The following COLGALT2 variants were observed in gnomAD, a reference collection of about 807,000 sequenced individuals.
COLGALT2 encodes collagen beta(1-O)galactosyltransferase 2, also known as procollagen galactosyltransferase 2.
COLGALT2 carries 49 observed loss-of-function variants against 73.4 expected under a neutral mutation model. The observed-to-expected ratio is 0.67, with a 90% CI of 0.53 to 0.85. COLGALT2 has a LOEUF of 0.85. Among genes scored for constraint, COLGALT2 ranks in the 40% least tolerant of loss-of-function variants. The probability of loss-of-function intolerance (pLI) is 0.00; values close to 1 mark genes in which losing one functional copy is unlikely to be tolerated. For synonymous variants in COLGALT2, 295 were observed against 307.6 expected, an observed-to-expected ratio of 0.96 and a Z score of 0.43; for missense variants, 722 against 790.2, an observed-to-expected ratio of 0.91 and a Z score of 1.03.
rs1670001735 is a variant in COLGALT2 at position 183,937,885 on chromosome 1, T to TG, written c.*875dup. The TG allele has an allele frequency of 1.2e-5, 12 of 985,252 alleles. No homozygotes were observed. The highest frequency in any genetic ancestry group is 1.4e-5 in the Non-Finnish European group (12 of 829,910). The allele number at this position is 985,252 out of a possible 1,614,324, so 61.0% of individuals were successfully genotyped here. On this transcript the variant is annotated 3_prime_UTR_variant, in exon 12 of 12. Transcript: ENST00000361927. ...TGCGGTGGGTTCCCAGGCTAAGGGG[T>TG]GGAGCGGAGAGCGTGAAGCTCTGTA... is the stretch of plus-strand genomic sequence containing the variant.
At position 184,037,455 on chromosome 1, in the gene COLGALT2, G is replaced by T; in HGVS notation, c.-98C>A. The T allele has an allele frequency of 8.2e-7, 1 of 1,213,666 alleles. No individual in the cohort carries two copies. 75.2% of individuals were successfully genotyped at this position (1,213,666 alleles called of 1,614,324 possible). A position where few individuals can be genotyped will look rare whatever the true frequency, so the allele number is the denominator to read the frequency against. On this transcript the variant is annotated 5_prime_UTR_variant, in exon 1 of 12. Transcript: ENST00000361927. ...GCTGCCGGGGAGCAAGGGGCTGCGA[G>T]GGGCGGCCGGGGGATGCGGCTTGCC... is the stretch of plus-strand genomic sequence containing the variant.
chr1:183,937,918 G>A lies in COLGALT2; in HGVS notation c.*843C>T, dbSNP rs182065921. On this transcript the variant is annotated 3_prime_UTR_variant, in exon 12 of 12. Coordinates refer to ENST00000361927, the MANE Select transcript of COLGALT2 (RefSeq NM_015101.4). The stretch of plus-strand genomic sequence containing the variant: ...AGAGCGTGAAGCTCTGTAGCAGCGC[G>A]CAAACCCGGGACAGGGCAGGATGCA... The A allele has an allele frequency of 1.3e-4, 124 of 985,366 alleles. 1 individual carries two copies. The African/African-American group carries it at 1.7e-3, about 13-fold the overall frequency. The allele number at this position is 985,366 out of a possible 1,614,324, so 61.0% of individuals were successfully genotyped here.
Position 183,957,337 on chromosome 1 carries a change from C to T in COLGALT2, c.953-2499G>A, listed in dbSNP as rs149592026. Among the ~76,000 whole-genome samples the T allele has an allele frequency of 2.2e-3, 340 of 152,236 alleles. 2 individuals are homozygous for T. The highest frequency in any genetic ancestry group is 7.7e-3 in the African/African-American group (320 of 41,540). ...TTGAACCTAGGTCCTACTCCTTTAC[C>T]GGAGCTCTTAATTCCCATTCCACAT... On this transcript the variant is annotated intron_variant, in intron 6 of 11. Coordinates refer to ENST00000361927, the MANE Select transcript of COLGALT2 (RefSeq NM_015101.4).
At chr1:183,941,944 C>A (rs368386359) in intron 10 of COLGALT2, among the ~76,000 whole-genome samples, 1 of 149,624 alleles carries the variant, frequency 6.7e-6, no homozygotes, top group Non-Finnish European at 1.5e-5. Flanking sequence ...TTTGGTAGGA[C>A]GACAGTTTAC....
intron 1 of COLGALT2, among the ~76,000 whole-genome samples, chr1:183,981,309 T>C (rs754711114): frequency 2.0e-5 from 3 of 152,192 alleles, no homozygotes; most frequent in Non-Finnish European, 4.4e-5. Flanking sequence ...TTCTATTGCA[T>C]CATTACTTTC....
chr1:184,031,358 G>A (rs998122064), intron 1 of COLGALT2, among the ~76,000 whole-genome samples: 6 of 152,134 alleles, frequency 3.9e-5, no homozygotes, highest in Non-Finnish European at 8.8e-5. Flanking sequence ...CCACATTTTA[G>A]TCATAATCTG....
chr1:184,035,887 C>T (rs1026989166), intron 1 of COLGALT2, among the ~76,000 whole-genome samples: 3 of 152,192 alleles, frequency 2.0e-5, no homozygotes, highest in African/African-American at 7.2e-5. Context: ...TATAGTAAAG[C>T]AGTGTACAGC....
In COLGALT2 at chr1:183,954,840, T is replaced by G; in HGVS notation, c.953-2A>C. 1 of 1,610,954 alleles carries G rather than the reference T, an allele frequency of 6.2e-7. No individual in the cohort carries two copies. The highest frequency in any genetic ancestry group is 8.5e-7 in the Non-Finnish European group (1 of 1,177,342). On this transcript the variant is annotated splice_acceptor_variant, in intron 6 of 11. Coordinates refer to ENST00000361927, the MANE Select transcript of COLGALT2 (RefSeq NM_015101.4). LOFTEE classifies it high-confidence loss of function. ...AGGGTTCCATTGGAGGACGGTCAAC[T>G]GGAAGACACAAGAAACATGCAGAGT...
chr1:183,994,691 G>T (rs1342590786), intron 1 of COLGALT2, among the ~76,000 whole-genome samples: 1 of 152,088 alleles, frequency 6.6e-6, no homozygotes, highest in African/African-American at 2.4e-5. Context: ...CTGACCTCAG[G>T]TAATCCGCCC....
At chr1:183,972,991 G>C (rs1443958895) in intron 4 of COLGALT2, among the ~76,000 whole-genome samples, 1 of 152,150 alleles carries the variant, frequency 6.6e-6, no homozygotes, top group Non-Finnish European at 1.5e-5. Flanking sequence ...GAGCCACCGC[G>C]CCTGGCATAT....
chr1:183,975,210 A>G lies in COLGALT2; in HGVS notation c.379T>C (p.Tyr127His). 5.0e-6 allele frequency: 8 copies of G among 1,605,694 alleles called. No homozygotes were observed. The highest frequency in any genetic ancestry group is 6.8e-6 in the Non-Finnish European group (8 of 1,172,556). The change falls in exon 3 of 12, where the codon TAC becomes CAC. Residue 127 changes from tyrosine to histidine, a missense_variant. Coordinates refer to ENST00000361927, the MANE Select transcript of COLGALT2 (RefSeq NM_015101.4). ...TGCTTTGGTCCAATTTCATCAGGGT[A>G]AGACCTAAAATAATAATAATAGCTC... Reference protein sequence around the residue: ...EWRPMDEPESYPDEIGPKHWP... With the variant: ...EWRPMDEPESHPDEIGPKHWP...
chr1:183,942,027 T>C (rs369595693), intron 10 of COLGALT2, among the ~76,000 whole-genome samples: 1 of 151,782 alleles, frequency 6.6e-6, no homozygotes, highest in Admixed American at 6.6e-5. Context: ...GAGCTCACTG[T>C]AAGCTCCGCC....
chr1:183,941,370 G>A lies in COLGALT2; in HGVS notation c.1398-583C>T, dbSNP rs550603186. ...ACAGGCATTCTCCTGCCTCACACTC[G>A]TCCAGCTGTGGCCAGGCTTCCTCCC... On this transcript the variant is annotated intron_variant, in intron 10 of 11. Coordinates refer to ENST00000361927, the MANE Select transcript of COLGALT2 (RefSeq NM_015101.4). Among the ~76,000 whole-genome samples, 7 of 152,268 alleles carry A rather than the reference G, an allele frequency of 4.6e-5. No individual in the cohort carries two copies. The South Asian group carries it at 1.0e-3, about 23-fold the overall frequency.
chr1:183,979,319 GA>G (rs1485359469), intron 1 of COLGALT2, among the ~76,000 whole-genome samples: 2 of 152,054 alleles, frequency 1.3e-5, no homozygotes, highest in Non-Finnish European at 2.9e-5. Flanking sequence ...ATGAAAAACA[GA>G]AAAAGAGAAG....
chr1:183,969,294 GAC>G lies in COLGALT2; in HGVS notation c.805_806del (p.Val269LeufsTer46), dbSNP rs1670969125. 6.2e-7 allele frequency: 1 copy of G among 1,612,812 alleles called. No homozygotes were observed. The highest frequency in any genetic ancestry group is 1.1e-5 in the South Asian group (1 of 90,832). ...CTGCTTGCCTGCTGGAGAAGGCAAA[GAC>G]AATGATGTCATCAAAGGTCCAGGTG... is the stretch of plus-strand genomic sequence containing the variant. ...DYTWTFDDII[V>X]FAFSSRQAGI... On this transcript the variant is annotated frameshift_variant, in exon 5 of 12. Transcript: ENST00000361927. LOFTEE classifies it high-confidence loss of function.
rs139475784 is a variant in COLGALT2, at chr1:183,969,339, G to A, written c.762C>T (p.Tyr254=). 3.5e-5 allele frequency: 57 copies of A among 1,613,852 alleles called. No homozygotes were observed. The African/African-American group carries it at 7.3e-4, about 21-fold the overall frequency. ...RKEASDKLTF[Y]PPHQDYTWTF... ...TCCAGGTGTAGTCCTGGTGTGGGGG[G>A]TAGAAAGTCAGCTTGTCCGAGGCCT... The change falls in exon 5 of 12, where the codon TAC becomes TAT. Residue 254 remains tyrosine (Y), a synonymous_variant. Coordinates refer to ENST00000361927, the MANE Select transcript of COLGALT2 (RefSeq NM_015101.4).
At chr1:183,940,335 A>C (rs892923658) in intron 11 of COLGALT2, among the ~76,000 whole-genome samples, 1 of 152,204 alleles carries the variant, frequency 6.6e-6, no homozygotes, top group African/African-American at 2.4e-5. Flanking sequence ...AGCACATTAC[A>C]TTCAGTTCAA....
downstream of COLGALT2, among the ~76,000 whole-genome samples, chr1:183,932,980 A>G (rs563873991): frequency 7.9e-5 from 12 of 152,282 alleles, no homozygotes; most frequent in African/African-American, 2.4e-4. Context: ...GGCCCTGTCC[A>G]GGGACAATGG....
chr1:183,945,277 C>G (rs1031087083), intron 9 of COLGALT2, among the ~76,000 whole-genome samples, 155 bp downstream of exon 9: 19 of 152,348 alleles, frequency 1.2e-4, no homozygotes, highest in African/African-American at 4.3e-4. Context: ...TGTTGCTGGT[C>G]TTGGGTCAGA....
Sources: allele counts gnomAD v4.1 joint callset (sites outside exome capture counted in the v4.1 genomes callset), GRCh38; gene constraint gnomAD v4.1.1; transcripts MANE v1.5; gene names NCBI Gene and HGNC (gene_info 2026-07-23, HGNC 2026-07-21).